Variants in ANTXR1 observed in about 807,000 individuals in gnomAD.
The protein encoded by ANTXR1 is anthrax toxin receptor 1.
A neutral mutation model predicts 78.1 loss-of-function variants in ANTXR1; 19 were observed. The ratio of observed to expected loss-of-function variants is 0.24; its 90% CI spans 0.17 to 0.36. The LOEUF is 0.36. Ranked by LOEUF, ANTXR1 falls within the 10% of genes least tolerant of loss-of-function variation. The pLI is 1.00. For synonymous variants in ANTXR1, 273 were observed against 260.5 expected, an observed-to-expected ratio of 1.05 and a Z score of -0.46; for missense variants, 518 against 718.6, an observed-to-expected ratio of 0.72 and a Z score of 3.19.
chr2:69,086,949 G>T (rs776480676), intron 8 of ANTXR1, among the ~76,000 whole-genome samples: 2 of 152,072 alleles, frequency 1.3e-5, no homozygotes, highest in Non-Finnish European at 2.9e-5. Flanking sequence ...CTCCCTCACC[G>T]TCCAATCCAA....
chr2:69,145,606 G>T, intron 12 of ANTXR1: 1 of 1,346,756 alleles, frequency 7.4e-7, no homozygotes, highest in Non-Finnish European at 9.5e-7. Context: ...CACTTTATTG[G>T]CTACATAATC....
Position 69,245,455 on chromosome 2 carries a change from C to G in ANTXR1, c.1665C>G (p.Pro555=), listed in dbSNP as rs377496024. Residue 555 remains proline, a synonymous_variant, in exon 18 of 18, where the codon CCC becomes CCG. Coordinates refer to ENST00000303714, the MANE Select transcript of ANTXR1 (RefSeq NM_032208.3). ...CACCTCCCAACAGGGCACCTCCTCC[C>G]TCCCGCCCTCCTCCAAGGCCTTCTG... ...QAPPPNRAPP[P]SRPPPRPSV is the part of the protein sequence containing the mutation. The G allele has an allele frequency of 3.5e-5, 57 of 1,612,080 alleles. No homozygotes were observed. The highest frequency in any genetic ancestry group is 4.6e-5 in the Non-Finnish European group (54 of 1,179,596).
At chr2:69,219,402 C>CACACACACACACACACACACAT (rs1675262121) in intron 17 of ANTXR1, among the ~76,000 whole-genome samples, 1 of 151,620 alleles carries the variant, frequency 6.6e-6, no homozygotes, top group East Asian at 1.9e-4. Context: ...CACACACACA[C>CACACACACACACACACACACAT]ACACACACAC....
chr2:69,198,868 A>G lies in ANTXR1; in HGVS notation c.1434+5453A>G, dbSNP rs189072463. 8.0e-3 allele frequency among the ~76,000 whole-genome samples: 1,223 copies of G among 152,344 alleles called. 15 individuals are homozygous for G. The highest frequency in any genetic ancestry group is 0.027 in the African/African-American group (1,131 of 41,580). The stretch of plus-strand genomic sequence containing the variant: ...AGCTATGGGCCATATGTTATATTAA[A>G]TGAGAAGTCCTAGAAAATTATCTTG... On this transcript the variant is annotated intron_variant, in intron 17 of 17. Coordinates refer to ENST00000303714, the MANE Select transcript of ANTXR1 (RefSeq NM_032208.3).
intron 9 of ANTXR1, among the ~76,000 whole-genome samples, chr2:69,101,648 C>T (rs997464936): frequency 1.3e-5 from 2 of 152,258 alleles, no homozygotes; most frequent in South Asian, 2.1e-4. Flanking sequence ...TATTAAGCTT[C>T]GAGAGTCCCA....
chr2:69,209,532 GC>G (rs1279994926), intron 17 of ANTXR1, among the ~76,000 whole-genome samples: 3 of 152,238 alleles, frequency 2.0e-5, no homozygotes, highest in Admixed American at 1.3e-4. Context: ...AGGATTCACA[GC>G]ACCCAAGTGT....
chr2:69,162,270 G>A (rs1673701110), intron 13 of ANTXR1, among the ~76,000 whole-genome samples: 1 of 152,124 alleles, frequency 6.6e-6, no homozygotes, highest in Non-Finnish European at 1.5e-5. Context: ...TGGCTTAATA[G>A]CCTTTCATGG....
At position 69,084,794 on chromosome 2, in the gene ANTXR1, G is replaced by A. The variant is rs1670999294; in HGVS notation, c.643-6065G>A. On this transcript the variant is annotated intron_variant, in intron 8 of 17. Transcript: ENST00000303714. ...GACATGGATCTGGGGTAATGTCCATGGTTAACAATATGTGTGCCTATTAAA... is the reference window on the plus strand; with the variant it reads ...GACATGGATCTGGGGTAATGTCCATAGTTAACAATATGTGTGCCTATTAAA... 3.3e-5 allele frequency among the ~76,000 whole-genome samples: 5 copies of A among 150,050 alleles called. 1 individual carries two copies. In the South Asian group the frequency reaches 6.3e-4, roughly 19 times the overall value.
chr2:69,104,103 TA>T (rs1671724855), intron 10 of ANTXR1, among the ~76,000 whole-genome samples: 1 of 152,072 alleles, frequency 6.6e-6, no homozygotes, highest in Non-Finnish European at 1.5e-5. Flanking sequence ...TACACCCAGC[TA>T]ATTTTTTGTA....
chr2:69,018,246 A>G (rs558024333), intron 1 of ANTXR1, among the ~76,000 whole-genome samples: 28 of 150,868 alleles, frequency 1.9e-4, no homozygotes, highest in African/African-American at 6.6e-4. Flanking sequence ...AAGACCTCCG[A>G]CTCCCCCTGC....
chr2:69,106,462 G>A (rs932205592), intron 10 of ANTXR1, among the ~76,000 whole-genome samples: 4 of 152,218 alleles, frequency 2.6e-5, no homozygotes, highest in Non-Finnish European at 5.9e-5. Flanking sequence ...GCCAGGCTGC[G>A]GGCTGTGACC....
chr2:69,072,364 A>G (rs1385349960), intron 5 of ANTXR1, among the ~76,000 whole-genome samples: 3 of 152,224 alleles, frequency 2.0e-5, no homozygotes, highest in Non-Finnish European at 2.9e-5. Context: ...AAAGAGATTC[A>G]ATATTACAGT....
At chr2:69,182,406 T>C in intron 15 of ANTXR1, 87 bp from the exon 16 acceptor site, 1 of 1,495,716 alleles carries the variant, frequency 6.7e-7, no homozygotes, top group Non-Finnish European at 9.2e-7. Flanking sequence ...AGCATTCACA[T>C]TGCAACTCAT....
At chr2:69,244,845 A>T (rs1675974259) in intron 17 of ANTXR1, among the ~76,000 whole-genome samples, 1 of 152,168 alleles carries the variant, frequency 6.6e-6, no homozygotes, top group South Asian at 2.1e-4. Context: ...GGCCTTGAAA[A>T]AGTAACTCCG....
At chr2:69,105,596 T>G (rs1671782065) in intron 10 of ANTXR1, among the ~76,000 whole-genome samples, 1 of 152,226 alleles carries the variant, frequency 6.6e-6, no homozygotes, top group African/African-American at 2.4e-5. Flanking sequence ...CATTTTTCTG[T>G]CAACTTTATA....
intron 8 of ANTXR1, among the ~76,000 whole-genome samples, chr2:69,078,639 G>T (rs2104239030): frequency 6.6e-6 from 1 of 152,288 alleles, no homozygotes; most frequent in Admixed American, 6.5e-5. Flanking sequence ...AGAGATCCTT[G>T]GACATTTCTT....
intron 17 of ANTXR1, among the ~76,000 whole-genome samples, chr2:69,196,554 T>G (rs1471539251): frequency 1.3e-5 from 2 of 152,186 alleles, no homozygotes; most frequent in Non-Finnish European, 2.9e-5. Context: ...TCTATATGCT[T>G]CTTCTGTTTT....
At chr2:69,160,824 T>A (rs1169929188) in intron 13 of ANTXR1, among the ~76,000 whole-genome samples, 2 of 152,198 alleles carry the variant, frequency 1.3e-5, no homozygotes, top group Non-Finnish European at 2.9e-5. Context: ...ACCTGTACTC[T>A]CCCAAACACT....
At chr2:69,175,356 C>T (rs535992475) in intron 14 of ANTXR1, among the ~76,000 whole-genome samples, 1 of 152,290 alleles carries the variant, frequency 6.6e-6, no homozygotes, top group African/African-American at 2.4e-5. Context: ...ACTCCTGTAA[C>T]CCCAGCACCT....
Sources: allele counts gnomAD v4.1 joint callset (sites outside exome capture counted in the v4.1 genomes callset), GRCh38; gene constraint gnomAD v4.1.1; transcripts MANE v1.5; gene names NCBI Gene and HGNC (gene_info 2026-07-23, HGNC 2026-07-21).